The following PZP variants were observed in gnomAD, a reference collection of about 807,000 sequenced individuals.
PZP encodes the protein pregnancy zone protein.
PZP carries 150 observed loss-of-function variants against 179.8 expected under a neutral mutation model. The ratio of observed to expected loss-of-function variants is 0.83; its 90% CI spans 0.73 to 0.96. The LOEUF (loss-of-function observed/expected upper bound fraction) is 0.96. PZP is among the 40% of genes least tolerant of loss of function. PZP has a pLI of 0.00. For synonymous variants in PZP, 624 were observed against 652.3 expected (o/e 0.96, Z 0.66); for missense variants, 1,689 against 1,764.0 (o/e 0.96, Z 0.76).
At chr12:9,188,547 A>G (rs926157930) in intron 13 of PZP, among the ~76,000 whole-genome samples, 1 of 152,226 alleles carries the variant, frequency 6.6e-6, no homozygotes, top group African/African-American at 2.4e-5. Context: ...ACAAAGAAAT[A>G]AAGGGCATCA....
chr12:9,200,368 C>T lies in PZP; in HGVS notation c.751G>A (p.Gly251Arg). 6.2e-7 allele frequency: 1 copy of T among 1,600,384 alleles called. No homozygotes were observed. The highest frequency in any genetic ancestry group is 8.6e-7 in the Non-Finnish European group (1 of 1,168,430). The change falls in exon 7 of 36, where the codon GGA (glycine) becomes AGA (arginine). Residue 251 changes from glycine (G) to arginine (R), a missense_variant. Gly to Arg is a moderately radical substitution (Grantham distance 125). Coordinates refer to ENST00000261336, the MANE Select transcript of PZP (RefSeq NM_002864.3). ...GATAAAAACAATGTAACTCACTCTC[C>T]ACAGACTGTTATGTTCACTTTTTCA... ...MDEKVNITVC[G>R]EYTYGKPVPG...
At chr12:9,165,942 G>T (rs1941551743) in intron 18 of PZP, 110 bp downstream of exon 18, 2 of 1,328,690 alleles carry the variant, frequency 1.5e-6, no homozygotes, top group Non-Finnish European at 2.1e-6. Flanking sequence ...AAGAGGAAGA[G>T]GTTAAGATAA....
intron 15 of PZP, among the ~76,000 whole-genome samples, chr12:9,177,321 C>G (rs1316009696): frequency 6.6e-6 from 1 of 152,190 alleles, no homozygotes; most frequent in Non-Finnish European, 1.5e-5. Flanking sequence ...TGGTGAGGAA[C>G]TGAGGCCTCC....
chr12:9,196,307 C>T, intron 10 of PZP, 23 bp downstream of exon 10: 2 of 1,530,340 alleles, frequency 1.3e-6, no homozygotes, highest in South Asian at 2.3e-5. Flanking sequence ...CTTTGCTTAC[C>T]TGTGCATTAC....
intron 33 of PZP, among the ~76,000 whole-genome samples, chr12:9,151,074 T>G (rs1487691559): frequency 2.6e-5 from 4 of 152,200 alleles, no homozygotes; most frequent in Non-Finnish European, 5.9e-5. Flanking sequence ...CAACGAAGTA[T>G]TCTTTCTGTT....
At chr12:9,183,788 T>C (rs1171857083) in intron 13 of PZP, among the ~76,000 whole-genome samples, 2 of 152,226 alleles carry the variant, frequency 1.3e-5, no homozygotes, top group African/African-American at 4.8e-5. Flanking sequence ...TTTTTCCAAC[T>C]TCATGCAAAT....
chr12:9,186,396 G>T (rs1019747928), intron 13 of PZP, among the ~76,000 whole-genome samples: 1 of 152,112 alleles, frequency 6.6e-6, no homozygotes, highest in Non-Finnish European at 1.5e-5. Context: ...TCAAATTCAC[G>T]CATCTCAATA....
At chr12:9,180,832 G>A (rs1389457252) in intron 15 of PZP, 151 bp downstream of exon 15, 2 of 715,764 alleles carry the variant, frequency 2.8e-6, no homozygotes, top group Non-Finnish European at 4.2e-6. Flanking sequence ...CTTCTGCACA[G>A]CAAAAGAAAC....
chr12:9,201,478 C>T lies in PZP; in HGVS notation c.481-131G>A, dbSNP rs1471941367. 6.1e-6 allele frequency: 4 copies of T among 651,936 alleles called. No individual in the cohort carries two copies. In the Admixed American group the frequency reaches 1.1e-4, roughly 18 times the overall value. 40.4% of individuals were successfully genotyped at this position (651,936 alleles called of 1,614,324 possible). ...AAATTCAACAAGAAACATAACAGAA[C>T]TGGAAAAATCTCAGGGAAATTATTA... On this transcript the variant is annotated intron_variant, in intron 4 of 35. Transcript: ENST00000261336.
intron 32 of PZP, 31 bp downstream of exon 32, chr12:9,152,189 A>T (rs772719962): frequency 1.4e-6 from 2 of 1,435,190 alleles, no homozygotes; most frequent in Non-Finnish European, 2.0e-6. Flanking sequence ...ATACTTTTGT[A>T]TGAAGTCTAT....
At chr12:9,162,478 A>T in intron 22 of PZP, 119 bp downstream of exon 22, 1 of 734,396 alleles carries the variant, frequency 1.4e-6, no homozygotes, top group South Asian at 1.8e-5. Flanking sequence ...ATTTAGTATT[A>T]TGCTGACTTT....
At chr12:9,166,529 T>G (rs1182245525) in intron 17 of PZP, among the ~76,000 whole-genome samples, 3 of 152,226 alleles carry the variant, frequency 2.0e-5, no homozygotes, top group Admixed American at 2.0e-4. Flanking sequence ...TGCTTCATTC[T>G]TAGAGAAACT....
At chr12:9,204,109 C>T (rs1299062772) in intron 1 of PZP, among the ~76,000 whole-genome samples, 158 bp from the exon 2 acceptor site, 1 of 152,130 alleles carries the variant, frequency 6.6e-6, no homozygotes, top group Non-Finnish European at 1.5e-5. Context: ...CAGATCAGCA[C>T]AAAAATTTTA....
At chr12:9,163,993 A>G in intron 20 of PZP, 140 bp downstream of exon 20, 1 of 1,259,976 alleles carries the variant, frequency 7.9e-7, no homozygotes, top group Non-Finnish European at 1.1e-6. Flanking sequence ...GGAGGAGGTC[A>G]TAGTGGATAG....
rs761853618 is a variant in PZP, at chr12:9,181,168, C to T, written c.1690-36G>A. 5.6e-6 allele frequency: 9 copies of T among 1,613,316 alleles called. No individual in the cohort carries two copies. In the African/African-American group the frequency reaches 9.3e-5, roughly 17 times the overall value. The stretch of plus-strand genomic sequence containing the variant: ...TGAAGGAAACGTCAACCAGTGTTTT[C>T]CCTACTTCTGTGATCTTGCAGTCAC... On this transcript the variant is annotated intron_variant, in intron 14 of 35. Coordinates refer to ENST00000261336, the MANE Select transcript of PZP (RefSeq NM_002864.3).
At chr12:9,202,464 C>G in intron 3 of PZP, 61 bp downstream of exon 3, 1 of 1,612,426 alleles carries the variant, frequency 6.2e-7, no homozygotes, top group South Asian at 1.1e-5. Flanking sequence ...ATAATGGAGA[C>G]TTTGGCTGTT....
intron 7 of PZP, among the ~76,000 whole-genome samples, chr12:9,199,660 A>G (rs1374973255): frequency 6.6e-6 from 1 of 152,192 alleles, no homozygotes. Flanking sequence ...TCATTAAAAA[A>G]AGGAGGTTAT....
Position 9,164,206 on chromosome 12 carries a change from C to T in PZP, c.2541G>A (p.Lys847=), listed in dbSNP as rs771424854. ...SPAFLASQNT[K]GEESYCICGN... ...CACAGATACAATAGGATTCTTCTCCCTTTGTATTTTGGGAAGCTAGGAAGG... is the reference window on the plus strand; with the variant it reads ...CACAGATACAATAGGATTCTTCTCCTTTTGTATTTTGGGAAGCTAGGAAGG... Residue 847 remains lysine (K), a synonymous_variant, in exon 20 of 36, where the codon AAG becomes AAA. Transcript: ENST00000261336. 1.7e-5 allele frequency: 27 copies of T among 1,610,448 alleles called. No individual in the cohort carries two copies. The East Asian group carries it at 3.6e-4, about 21-fold the overall frequency.
chr12:9,149,523 A>T (rs779527390), intron 35 of PZP, 38 bp downstream of exon 35: 1 of 1,580,704 alleles, frequency 6.3e-7, no homozygotes, highest in Non-Finnish European at 8.6e-7. Flanking sequence ...GAGTGGGTTA[A>T]TGCCATCTAG....
Sources: allele counts gnomAD v4.1 joint callset (sites outside exome capture counted in the v4.1 genomes callset), GRCh38; gene constraint gnomAD v4.1.1; transcripts MANE v1.5; gene names NCBI Gene and HGNC (gene_info 2026-07-23, HGNC 2026-07-21).